CAPN5: variants seen among roughly 807,000 people sequenced by gnomAD.
CAPN5 encodes calpain-5.
CAPN5 carries 54 observed loss-of-function variants against 73.0 expected under a neutral mutation model. That is an observed-to-expected ratio of 0.74 (90% CI 0.59 to 0.93). The LOEUF (loss-of-function observed/expected upper bound fraction) is 0.93, where lower values mean the gene tolerates loss of function less well. CAPN5 is among the 40% of genes least tolerant of loss of function. CAPN5 has a pLI of 0.00. For synonymous variants in CAPN5, 335 were observed against 356.9 expected (o/e 0.94, Z 0.69); for missense variants, 785 against 882.9 (o/e 0.89, Z 1.41).
At chr11:77,108,076 C>T (rs1238661737) in intron 3 of CAPN5, among the ~76,000 whole-genome samples, 3 of 152,152 alleles carry the variant, frequency 2.0e-5, no homozygotes, top group Admixed American at 6.5e-5. Context: ...TGCCATGCAC[C>T]GCAGTGGGTA....
chr11:77,125,698 G>A lies in CAPN5; in HGVS notation c.*1828G>A, dbSNP rs2135496164. On this transcript the variant is annotated 3_prime_UTR_variant, in exon 13 of 13. Coordinates refer to ENST00000648180, the MANE Select transcript of CAPN5 (RefSeq NM_004055.5). ...TTCAAATCAAGGCTCCTGAGTAGGGGGTGAAGTGAGCCAGCTTGCACCTCA... is the reference window on the plus strand; with the variant it reads ...TTCAAATCAAGGCTCCTGAGTAGGGAGTGAAGTGAGCCAGCTTGCACCTCA... The A allele has an allele frequency of 6.6e-6, 1 of 152,124 alleles. No individual in the cohort carries two copies. Among genetic ancestry groups the A allele is most frequent in the East Asian group, 1.9e-4 (1 of 5,154 alleles). 9.4% of individuals were successfully genotyped at this position (152,124 alleles called of 1,614,324 possible). A position where few individuals can be genotyped will look rare whatever the true frequency, so the allele number is the denominator to read the frequency against.
At chr11:77,093,611 C>CACGT (rs1950176253) in intron 2 of CAPN5, 71 bp from the exon 3 acceptor site, 2 of 1,426,218 alleles carry the variant, frequency 1.4e-6, no homozygotes, top group Non-Finnish European at 9.4e-7. Flanking sequence ...CTGTGTCTGT[C>CACGT]ATGTCTCCTG....
At position 77,084,930 on chromosome 11, in the gene CAPN5, C is replaced by T. The variant is rs781943181; in HGVS notation, c.44C>T (p.Ala15Val). The change falls in exon 2 of 13, where the codon GCC (alanine) becomes GTC (valine). Residue 15 changes from alanine (A) to valine (V), a missense_variant. By Grantham distance (64) the Ala-to-Val change is moderately conservative. Coordinates refer to ENST00000648180, the MANE Select transcript of CAPN5 (RefSeq NM_004055.5). ...VKPYEDQNYS[A>V]LRRDCRRRKV... ...CCCTATGAGGACCAGAACTACTCAG[C>T]CCTGAGGCGGGACTGCCGGCGCAGG... 1.9e-5 allele frequency: 30 copies of T among 1,614,036 alleles called. No homozygotes were observed. The highest frequency in any genetic ancestry group is 4.4e-5 in the South Asian group (4 of 91,082).
intron 1 of CAPN5, among the ~76,000 whole-genome samples, chr11:77,077,478 G>A (rs941504599): frequency 2.0e-5 from 3 of 151,706 alleles, no homozygotes; most frequent in African/African-American, 7.3e-5. Flanking sequence ...GTATCTCATT[G>A]TGGTTTTGAT....
chr11:77,123,024 G>T (rs917882617), intron 12 of CAPN5, among the ~76,000 whole-genome samples: 2 of 152,228 alleles, frequency 1.3e-5, no homozygotes, highest in Admixed American at 6.5e-5. Flanking sequence ...ATTTCCCCGT[G>T]GGGGGCCCAC....
chr11:77,122,182 T>C, intron 11 of CAPN5, 133 bp downstream of exon 11: 1 of 586,286 alleles, frequency 1.7e-6, no homozygotes, highest in South Asian at 2.3e-5. Flanking sequence ...TCTGGGGTGA[T>C]GCCTGATGCT....
Position 77,120,860 on chromosome 11 carries a change from A to G in CAPN5, c.1438A>G (p.Thr480Ala), listed in dbSNP as rs782225680. Residue 480 changes from threonine (T) to alanine (A), a missense_variant, in exon 10 of 13, where the codon ACT becomes GCT. By Grantham distance (58) the Thr-to-Ala change is moderately conservative. Coordinates refer to ENST00000648180, the MANE Select transcript of CAPN5 (RefSeq NM_004055.5). ...CCCCACAACCTTCGAGCCAGGCCAC[A>G]CTGGCGAGTTCCTGCTCCGAGTCTT... ...IIPTTFEPGH[T>A]GEFLLRVFTD... is the part of the protein sequence containing the mutation. 1.2e-5 allele frequency: 19 copies of G among 1,614,036 alleles called. No individual in the cohort carries two copies. The highest frequency in any genetic ancestry group is 1.6e-5 in the Non-Finnish European group (19 of 1,180,006).
At chr11:77,069,841 T>A (rs1290657849) in intron 1 of CAPN5, among the ~76,000 whole-genome samples, 2 of 152,174 alleles carry the variant, frequency 1.3e-5, no homozygotes. Context: ...TTTCCTGGGC[T>A]CACCGTGGTC....
At chr11:77,074,554 AG>A (rs1190542736) in intron 1 of CAPN5, among the ~76,000 whole-genome samples, 2 of 152,174 alleles carry the variant, frequency 1.3e-5, no homozygotes, top group Admixed American at 6.5e-5. Context: ...GCACCAGCAA[AG>A]ATGTGCAAGT....
At chr11:77,120,622 G>A (rs1308150132) in intron 9 of CAPN5, 91 bp from the exon 10 acceptor site, 40 of 770,306 alleles carry the variant, frequency 5.2e-5, no homozygotes, top group Middle Eastern at 2.5e-4. Context: ...GGATTCCATC[G>A]TCCCTTCCAT....
chr11:77,118,375 A>G, intron 8 of CAPN5, 23 bp downstream of exon 8: 1 of 1,542,338 alleles, frequency 6.5e-7, no homozygotes, highest in Non-Finnish European at 8.8e-7. Context: ...AGGAACCCCC[A>G]CCCTGCCCTG....
intron 3 of CAPN5, chr11:77,103,374 C>T (rs782549885): frequency 1.9e-6 from 3 of 1,560,456 alleles, no homozygotes; most frequent in Non-Finnish European, 2.6e-6. Flanking sequence ...CACCTGTGCT[C>T]TCCCCTGCCC....
At chr11:77,074,750 C>T (rs1314485158) in intron 1 of CAPN5, among the ~76,000 whole-genome samples, 1 of 152,206 alleles carries the variant, frequency 6.6e-6, no homozygotes, top group Non-Finnish European at 1.5e-5. Context: ...GCTCCTTCGG[C>T]CGGCACTGGG....
At chr11:77,114,468 C>T in intron 5 of CAPN5, 34 bp downstream of exon 5, 1 of 1,579,698 alleles carries the variant, frequency 6.3e-7, no homozygotes, top group Non-Finnish European at 8.7e-7. Context: ...GGCGACCCCT[C>T]CCCTTCACCC....
chr11:77,081,272 G>A (rs1950025550), intron 1 of CAPN5, among the ~76,000 whole-genome samples: 1 of 152,212 alleles, frequency 6.6e-6, no homozygotes, highest in South Asian at 2.1e-4. Context: ...CTGAGCCTTT[G>A]CGTGAACTGT....
intron 1 of CAPN5, among the ~76,000 whole-genome samples, chr11:77,067,590 G>C (rs928982248): frequency 4.6e-5 from 7 of 151,336 alleles, no homozygotes; most frequent in Admixed American, 3.9e-4. Context: ...CTACTCCCCA[G>C]GTTGAAAGGG....
At chr11:77,078,466 G>A (rs1949996169) in intron 1 of CAPN5, among the ~76,000 whole-genome samples, 1 of 152,144 alleles carries the variant, frequency 6.6e-6, no homozygotes, top group South Asian at 2.1e-4. Context: ...GGTTACTATA[G>A]CTTTGTAGTA....
intron 1 of CAPN5, among the ~76,000 whole-genome samples, chr11:77,073,909 G>A (rs1365629229): frequency 6.6e-6 from 1 of 152,148 alleles, no homozygotes; most frequent in Non-Finnish European, 1.5e-5. Context: ...GGGAGCCTGA[G>A]GTGGCTCTGA....
Position 77,085,041 on chromosome 11 carries a change from A to G in CAPN5, c.155A>G (p.Lys52Arg), listed in dbSNP as rs138015917. The G allele has an allele frequency of 8.1e-6, 13 of 1,613,222 alleles. No homozygotes were observed. In the African/African-American group the frequency reaches 1.2e-4, roughly 15 times the overall value. Reference sequence around the variant, plus strand: ...ACGCCGGGGCCCGCCGTCAGGTGGAAGCGACCCAAGGTCAGTGTCTGGTCC... The same window carrying G: ...ACGCCGGGGCCCGCCGTCAGGTGGAGGCGACCCAAGGTCAGTGTCTGGTCC... ...KGTPGPAVRW[K>R]RPKGICEDPR... The change falls in exon 2 of 13, where the codon AAG becomes AGG. Residue 52 changes from lysine to arginine, a missense_variant. Physicochemically the swap from Lys to Arg is conservative, Grantham distance 26. Coordinates refer to ENST00000648180, the MANE Select transcript of CAPN5 (RefSeq NM_004055.5).
Sources: allele counts gnomAD v4.1 joint callset (sites outside exome capture counted in the v4.1 genomes callset), GRCh38; gene constraint gnomAD v4.1.1; transcripts MANE v1.5; gene names NCBI Gene and HGNC (gene_info 2026-07-23, HGNC 2026-07-21).